The following PDSS2 variants were observed in gnomAD, a reference collection of about 807,000 sequenced individuals.
The protein encoded by PDSS2 is all trans-polyprenyl-diphosphate synthase PDSS2.
A neutral mutation model predicts 44.5 loss-of-function variants in PDSS2; 31 were observed. The observed-to-expected ratio is 0.70, with a 90% CI of 0.52 to 0.94. PDSS2 has a LOEUF of 0.94. PDSS2 is among the 40% of genes least tolerant of loss of function. The pLI is 0.00. For missense variants in PDSS2, 452 were observed against 482.2 expected (o/e 0.94, Z 0.59); for synonymous variants, 157 against 180.3 (o/e 0.87, Z 1.03).
At chr6:107,222,148 A>G (rs2114684646) in intron 4 of PDSS2, among the ~76,000 whole-genome samples, 1 of 152,276 alleles carries the variant, frequency 6.6e-6, no homozygotes, top group South Asian at 2.1e-4. Flanking sequence ...TTATTTTGAG[A>G]AACTGGACAG....
At chr6:107,220,942 T>C (rs1234662626) in intron 4 of PDSS2, among the ~76,000 whole-genome samples, 2 of 152,146 alleles carry the variant, frequency 1.3e-5, no homozygotes. Flanking sequence ...AATTGTAAAA[T>C]GCCAAGAAAC....
intron 2 of PDSS2, among the ~76,000 whole-genome samples, chr6:107,330,138 TCC>T (rs1164740176): frequency 1.3e-5 from 2 of 152,226 alleles, no homozygotes; most frequent in East Asian, 3.8e-4. Flanking sequence ...CAGGTGACTT[TCC>T]TTCAAGAGTG....
At chr6:107,419,172 C>T (rs1203934371) in intron 1 of PDSS2, among the ~76,000 whole-genome samples, 1 of 152,044 alleles carries the variant, frequency 6.6e-6, no homozygotes, top group East Asian at 1.9e-4. Flanking sequence ...AACCACTGCT[C>T]TAGTATAGCA....
chr6:107,232,849 T>C (rs953770748), intron 4 of PDSS2, among the ~76,000 whole-genome samples: 2 of 152,174 alleles, frequency 1.3e-5, no homozygotes, highest in South Asian at 2.1e-4. Context: ...TTCTTTCTTT[T>C]TTTTTTTTGA....
chr6:107,160,195 G>A (rs138706884), intron 7 of PDSS2, among the ~76,000 whole-genome samples: 286 of 152,234 alleles, frequency 1.9e-3, no homozygotes, highest in Non-Finnish European at 3.6e-3. Context: ...CAGCCTGGGG[G>A]CTGCAGTGCG....
At chr6:107,228,004 T>C (rs1247185235) in intron 4 of PDSS2, among the ~76,000 whole-genome samples, 2 of 152,224 alleles carry the variant, frequency 1.3e-5, no homozygotes, top group Non-Finnish European at 2.9e-5. Flanking sequence ...CTGAATGGCT[T>C]ACTCTTGTCC....
At chr6:107,259,603 A>G (rs1775145099) in intron 3 of PDSS2, among the ~76,000 whole-genome samples, 1 of 151,916 alleles carries the variant, frequency 6.6e-6, no homozygotes, top group African/African-American at 2.4e-5. Flanking sequence ...TGAACCCAGG[A>G]GGCGGAGGTT....
intron 7 of PDSS2, among the ~76,000 whole-genome samples, chr6:107,163,752 G>A (rs1771233655): frequency 6.6e-6 from 1 of 152,008 alleles, no homozygotes; most frequent in Non-Finnish European, 1.5e-5. Context: ...ACAGGTGCAT[G>A]CCACCACACG....
chr6:107,162,123 G>A (rs1302901627), intron 7 of PDSS2, among the ~76,000 whole-genome samples: 53 of 152,134 alleles, frequency 3.5e-4, no homozygotes, highest in Admixed American at 3.5e-3. Context: ...CCCTTGTTTT[G>A]ACATGCATCT....
chr6:107,401,144 T>C (rs1428325512), intron 1 of PDSS2, among the ~76,000 whole-genome samples: 14 of 152,126 alleles, frequency 9.2e-5, no homozygotes, highest in Admixed American at 8.5e-4. Flanking sequence ...CATTACAGTA[T>C]CTGCTGATAC....
chr6:107,190,791 T>G (rs1772346526), intron 7 of PDSS2, among the ~76,000 whole-genome samples: 1 of 152,128 alleles, frequency 6.6e-6, no homozygotes, highest in Admixed American at 6.5e-5. Context: ...TGCAGGACCA[T>G]GGGAGATGAA....
At chr6:107,456,716 T>C (rs1222786589) in intron 1 of PDSS2, among the ~76,000 whole-genome samples, 1 of 152,170 alleles carries the variant, frequency 6.6e-6, no homozygotes. Flanking sequence ...TAATTTATTT[T>C]ATTTTTTGTA....
intron 3 of PDSS2, among the ~76,000 whole-genome samples, chr6:107,256,742 T>C (rs79647579): frequency 0.042 from 6,370 of 152,140 alleles, 248 homozygotes; most frequent in African/African-American, 0.1. Context: ...AGGTAGAAAT[T>C]TGGGGGCCGG....
chr6:107,187,950 A>G (rs61546301), intron 7 of PDSS2, among the ~76,000 whole-genome samples: 6,821 of 152,202 alleles, frequency 0.045, 498 homozygotes, highest in African/African-American at 0.15. Flanking sequence ...TGTTAAGGAG[A>G]AAAAAACAGA....
chr6:107,284,662 C>CA (rs59471847), intron 2 of PDSS2, among the ~76,000 whole-genome samples: 83,345 of 134,194 alleles, frequency 0.62, 24,845 homozygotes, highest in Middle Eastern at 0.73. Context: ...ACTTCGTCTC[C>CA]AAAAAAAAAA....
chr6:107,420,526 A>G (rs1780791214), intron 1 of PDSS2, among the ~76,000 whole-genome samples: 1 of 152,224 alleles, frequency 6.6e-6, no homozygotes, highest in Admixed American at 6.5e-5. Flanking sequence ...GATAAATACA[A>G]ATACACCAAC....
chr6:107,226,891 T>C (rs541236677), intron 4 of PDSS2, among the ~76,000 whole-genome samples: 1 of 152,190 alleles, frequency 6.6e-6, no homozygotes, highest in African/African-American at 2.4e-5. Flanking sequence ...CAGGCTGGTC[T>C]TGAGCTCCTG....
In PDSS2 at chr6:107,336,011, G is replaced by C. The variant is rs531585351; in HGVS notation, c.297-1679C>G. On this transcript the variant is annotated intron_variant, in intron 1 of 7. Transcript: ENST00000369037. ...GGGTATGGTGGCTCATGCCCGGGGT[G>C]GGGGGGGTGGGGGGTGGGGCATCAC... is the stretch of plus-strand genomic sequence containing the variant. 1.0e-4 allele frequency among the ~76,000 whole-genome samples: 10 copies of C among 98,404 alleles called. No individual in the cohort carries two copies. In the South Asian group the frequency reaches 1.4e-3, roughly 14 times the overall value. The allele number at this position is 98,404 out of a possible 152,430, so 64.6% of individuals were successfully genotyped here.
intron 6 of PDSS2, among the ~76,000 whole-genome samples, chr6:107,203,544 A>T (rs2114585324): frequency 6.6e-6 from 1 of 152,280 alleles, no homozygotes; most frequent in South Asian, 2.1e-4. Context: ...CTCGCAGCTC[A>T]GACCTTGATC....
Sources: allele counts gnomAD v4.1 joint callset (sites outside exome capture counted in the v4.1 genomes callset), GRCh38; gene constraint gnomAD v4.1.1; transcripts MANE v1.5; gene names NCBI Gene and HGNC (gene_info 2026-07-23, HGNC 2026-07-21).